Variants in MED12L observed in about 807,000 individuals in gnomAD.
MED12L encodes mediator complex subunit 12L, also known as mediator of RNA polymerase II transcription subunit 12-like protein.
Under a neutral mutation model 281.3 loss-of-function variants are expected in MED12L, and 60 were observed. The observed-to-expected ratio is 0.21, with a 90% confidence interval of 0.17 to 0.26. The LOEUF (loss-of-function observed/expected upper bound fraction) is 0.26, where lower values mean the gene tolerates loss of function less well. Ranked by LOEUF, MED12L falls within the 10% of genes least tolerant of loss-of-function variation. MED12L has a pLI of 1.00. For synonymous variants in MED12L, 974 were observed against 987.2 expected (o/e 0.99, Z 0.25); for missense variants, 2,146 against 2,680.9 (o/e 0.80, Z 4.41).
At chr3:151,275,996 TC>T (rs978036201) in intron 16 of MED12L, among the ~76,000 whole-genome samples, 3 of 152,140 alleles carry the variant, frequency 2.0e-5, no homozygotes, top group African/African-American at 7.2e-5. Flanking sequence ...TGAAATGCCT[TC>T]TTAGCATCCA....
chr3:151,188,931 T>C (rs1469439934), intron 13 of MED12L, among the ~76,000 whole-genome samples: 1 of 152,052 alleles, frequency 6.6e-6, no homozygotes, highest in East Asian at 1.9e-4. Flanking sequence ...CTGGGATGTT[T>C]ATGTCATCTC....
At chr3:151,373,360 C>T (rs1204490591) in intron 27 of MED12L, among the ~76,000 whole-genome samples, 1 of 152,066 alleles carries the variant, frequency 6.6e-6, no homozygotes, top group Non-Finnish European at 1.5e-5. Flanking sequence ...AAGATGTTTC[C>T]ATTGTATAGT....
intron 16 of MED12L, chr3:151,340,494 GTTA>G (rs1751673554): frequency 6.6e-6 from 1 of 152,474 alleles, no homozygotes; most frequent in South Asian, 2.1e-4. Flanking sequence ...TGCATTGATA[GTTA>G]TTAAGGTTTA....
chr3:151,129,541 T>A (rs1459756971), intron 5 of MED12L, among the ~76,000 whole-genome samples: 2 of 152,050 alleles, frequency 1.3e-5, no homozygotes, highest in African/African-American at 4.8e-5. Flanking sequence ...GAAGTGCCCC[T>A]TTTTATTACT....
At chr3:151,350,730 C>T (rs115108828) in intron 17 of MED12L, among the ~76,000 whole-genome samples, 35 of 152,148 alleles carry the variant, frequency 2.3e-4, no homozygotes, top group Non-Finnish European at 4.4e-4. Flanking sequence ...CTACCTATAT[C>T]TCCAAATGAT....
At chr3:151,089,833 A>G (rs1250486214) in intron 2 of MED12L, among the ~76,000 whole-genome samples, 1 of 152,150 alleles carries the variant, frequency 6.6e-6, no homozygotes, top group African/African-American at 2.4e-5. Context: ...CAAGCCTTTA[A>G]AGCAGGGAAT....
At chr3:151,168,100 G>T (rs1409831193) in intron 11 of MED12L, among the ~76,000 whole-genome samples, 1 of 152,074 alleles carries the variant, frequency 6.6e-6, no homozygotes, top group African/African-American at 2.4e-5. Flanking sequence ...GAAAAAAATA[G>T]GGGTGTTTTT....
chr3:151,386,739 C>A (rs1164266216), intron 36 of MED12L, among the ~76,000 whole-genome samples: 1 of 152,102 alleles, frequency 6.6e-6, no homozygotes, highest in African/African-American at 2.4e-5. Context: ...TCATGCCTGG[C>A]TAATTTTTGT....
chr3:151,424,600 G>A (rs1017035272), intron 43 of MED12L, among the ~76,000 whole-genome samples: 3 of 149,770 alleles, frequency 2.0e-5, no homozygotes, highest in South Asian at 2.2e-4. Context: ...TAGCCTGGAC[G>A]ACTGAGCAAA....
intron 5 of MED12L, among the ~76,000 whole-genome samples, chr3:151,133,293 G>C (rs947591679): frequency 3.3e-5 from 5 of 152,200 alleles, no homozygotes; most frequent in African/African-American, 1.2e-4. Context: ...TGGGCTCACA[G>C]CAACAAGGAG....
Position 151,188,328 on chromosome 3 carries a change from CTT to C in MED12L, c.1627-24_1627-23del, listed in dbSNP as rs766722021. On this transcript the variant is annotated intron_variant, in intron 12 of 44. Coordinates refer to ENST00000687756, the MANE Select transcript of MED12L (RefSeq NM_001393769.1). ...GTTATGACTATACTTCTGTAATTAA[CTT>C]TGTTATTTATTTTTAATCTGTAGAG... The C allele has an allele frequency of 7.0e-6, 11 of 1,565,718 alleles. 1 individual carries two copies. The South Asian group carries it at 1.2e-4, about 18-fold the overall frequency.
At chr3:151,288,350 G>C (rs540900655) in intron 16 of MED12L, among the ~76,000 whole-genome samples, 1 of 152,300 alleles carries the variant, frequency 6.6e-6, no homozygotes, top group East Asian at 1.9e-4. Context: ...ACATATAAAT[G>C]TATTTTTTCT....
intron 16 of MED12L, among the ~76,000 whole-genome samples, chr3:151,251,037 G>A (rs1736752025): frequency 1.3e-5 from 2 of 152,136 alleles, no homozygotes; most frequent in Admixed American, 6.5e-5. Context: ...TGGTACTTTG[G>A]CATACTGCCC....
intron 40 of MED12L, 37 bp from the exon 41 acceptor site, chr3:151,411,241 T>C (rs1446830919): frequency 1.0e-5 from 16 of 1,582,180 alleles, no homozygotes; most frequent in African/African-American, 2.7e-5. Context: ...AGGTGATAAG[T>C]TGAAACATTG....
chr3:151,263,917 C>A (rs1310284797), intron 16 of MED12L, among the ~76,000 whole-genome samples: 1 of 152,190 alleles, frequency 6.6e-6, no homozygotes, highest in Non-Finnish European at 1.5e-5. Flanking sequence ...GCACAGCCTT[C>A]AGTTAATGTT....
At chr3:151,188,737 A>C (rs562661166) in intron 13 of MED12L, among the ~76,000 whole-genome samples, 1 of 152,304 alleles carries the variant, frequency 6.6e-6, no homozygotes, top group African/African-American at 2.4e-5. Flanking sequence ...AGGTCTTGTG[A>C]CATTTGTCTG....
At chr3:151,192,426 G>C in intron 14 of MED12L, 124 bp from the exon 15 acceptor site, 1 of 709,632 alleles carries the variant, frequency 1.4e-6, no homozygotes, top group South Asian at 1.8e-5. Flanking sequence ...AATTTGCGGG[G>C]AAGAAAACAA....
chr3:151,267,198 T>C (rs909893576), intron 16 of MED12L, among the ~76,000 whole-genome samples: 1 of 152,202 alleles, frequency 6.6e-6, no homozygotes, highest in African/African-American at 2.4e-5. Context: ...ACAGTATTCC[T>C]TACTGGGAGA....
At chr3:151,215,049 A>T (rs1296216234) in intron 16 of MED12L, among the ~76,000 whole-genome samples, 6 of 152,088 alleles carry the variant, frequency 3.9e-5, no homozygotes, top group Non-Finnish European at 5.9e-5. Context: ...TCTAACAAAC[A>T]TATACATTCA....
Sources: allele counts gnomAD v4.1 joint callset (sites outside exome capture counted in the v4.1 genomes callset), GRCh38; gene constraint gnomAD v4.1.1; transcripts MANE v1.5; gene names NCBI Gene and HGNC (gene_info 2026-07-23, HGNC 2026-07-21).